OVGP1: variants seen among roughly 807,000 people sequenced by gnomAD.
OVGP1 encodes the protein oviduct-specific glycoprotein.
A neutral mutation model predicts 48.2 loss-of-function variants in OVGP1; 26 were observed. The ratio of observed to expected loss-of-function variants is 0.54; its 90% CI spans 0.40 to 0.75. The LOEUF is 0.75. OVGP1 is among the 30% of genes least tolerant of loss of function. The pLI, the probability that OVGP1 is intolerant of heterozygous loss-of-function variation, is 0.00. For missense variants in OVGP1, 791 were observed against 820.6 expected (o/e 0.96, Z 0.44); for synonymous variants, 294 against 305.7 (o/e 0.96, Z 0.40).
intron 3 of OVGP1, 73 bp from the exon 4 acceptor site, chr1:111,425,512 T>C: frequency 1.9e-6 from 3 of 1,602,368 alleles, no homozygotes; most frequent in Non-Finnish European, 2.6e-6. Flanking sequence ...CATTCTTTTA[T>C]TTTGCTCATT....
Position 111,414,855 on chromosome 1 carries a change from G to C in OVGP1, c.1646C>G (p.Pro549Arg), listed in dbSNP as rs906971484. The change falls in exon 11 of 11, where the codon CCT (proline) becomes CGT (arginine). Residue 549 changes from proline (P) to arginine (R), a missense_variant. Pro to Arg is a moderately radical substitution (Grantham distance 103). Coordinates refer to ENST00000369732, the MANE Select transcript of OVGP1 (RefSeq NM_002557.4). The part of the protein sequence containing the change: ...SVSPGGTTMT[P>R]VHFQTETLRQ... ...AAGGGTCTCAGTCTGAAAATGGACA[G>C]GGGTCATAGTCGTTCCTCCAGGGCT... is the stretch of plus-strand genomic sequence containing the variant. 6.3e-7 allele frequency: 1 copy of C among 1,595,894 alleles called. No individual in the cohort carries two copies. Among genetic ancestry groups the C allele is most frequent in the Non-Finnish European group, 8.6e-7 (1 of 1,167,342 alleles).
Position 111,421,689 on chromosome 1 carries a change from G to C in OVGP1, c.609-16C>G. The C allele has an allele frequency of 6.7e-7, 1 of 1,490,542 alleles. No individual in the cohort carries two copies. The highest frequency in any genetic ancestry group is 1.4e-5 in the African/African-American group (1 of 72,708). 92.3% of individuals were successfully genotyped at this position (1,490,542 alleles called of 1,614,324 possible). ...ATCCAGGAGTCTGTAAGGGGCAGGA[G>C]GAAGAGATATAAAGACTGGGCTAGC... On this transcript the variant is annotated splice_polypyrimidine_tract_variant and intron_variant, in intron 6 of 10. Transcript: ENST00000369732.
intron 3 of OVGP1, 42 bp from the exon 4 acceptor site, chr1:111,425,481 TCCGGTGGG>T (rs765229733): frequency 6.2e-7 from 1 of 1,613,430 alleles, no homozygotes; most frequent in Non-Finnish European, 8.5e-7. Flanking sequence ...GGTTCTTCAC[TCCGGTGGG>T]CAGCTGCTGC....
At position 111,415,035 on chromosome 1, in the gene OVGP1, G is replaced by A. The variant is rs1422866558; in HGVS notation, c.1466C>T (p.Pro489Leu). 1.2e-6 allele frequency: 2 copies of A among 1,613,574 alleles called. No homozygotes were observed. Among genetic ancestry groups the A allele is most frequent in the African/African-American group, 1.3e-5 (1 of 74,914 alleles). The change falls in exon 11 of 11, where the codon CCT (proline) becomes CTT (leucine). Residue 489 changes from proline to leucine, a missense_variant. By Grantham distance (98) the Pro-to-Leu change is moderately conservative (BLOSUM62 -3). Coordinates refer to ENST00000369732, the MANE Select transcript of OVGP1 (RefSeq NM_002557.4). ...MTSVGHQSMT[P>L]GEKALTPVGH... Reference sequence around the variant, plus strand: ...CACAGGGGTCAGGGCCTTCTCTCCAGGGGTCATGGACTGATGACCCACAGA... The same window carrying A: ...CACAGGGGTCAGGGCCTTCTCTCCAAGGGTCATGGACTGATGACCCACAGA...
rs775539416 is a variant in OVGP1, at chr1:111,414,683, C to T, written c.1818G>A (p.Arg606=). 1.9e-6 allele frequency: 3 copies of T among 1,613,982 alleles called. No individual in the cohort carries two copies. ...CCATCTGAAGACCCAAGTTACCCAT[C>T]CTGGGGTGAGTGCCCACCTCAGAAG... ...NLTSEVGTHP[R]MGNLGLQMEA... Residue 606 remains arginine, a synonymous_variant, in exon 11 of 11, where the codon AGG becomes AGA. Transcript: ENST00000369732.
intron 4 of OVGP1, among the ~76,000 whole-genome samples, chr1:111,424,174 G>T (rs1652343382): frequency 6.6e-6 from 1 of 152,234 alleles, no homozygotes; most frequent in Non-Finnish European, 1.5e-5. Flanking sequence ...TCAAGGGCCA[G>T]CATGTCCAGA....
rs148220778 is a variant in OVGP1, at chr1:111,422,646, G to A, written c.608+281C>T. On this transcript the variant is annotated intron_variant, in intron 6 of 10. Coordinates refer to ENST00000369732, the MANE Select transcript of OVGP1 (RefSeq NM_002557.4). ...GACAGGCCCCTGGGAATCTCTCCTC[G>A]TGAGACCCAGCAATAGGCTGTGCAG... Among the ~76,000 whole-genome samples the A allele has an allele frequency of 9.2e-4, 140 of 152,262 alleles. 1 individual carries two copies. The highest frequency in any genetic ancestry group is 2.7e-3 in the African/African-American group (113 of 41,550).
At chr1:111,426,981 G>C in intron 2 of OVGP1, 81 bp downstream of exon 2, 1 of 1,609,896 alleles carries the variant, frequency 6.2e-7, no homozygotes, top group South Asian at 1.1e-5. Flanking sequence ...GGCAAGGTGG[G>C]CTGCAGGGGA....
At chr1:111,427,552 C>A in intron 1 of OVGP1, 145 bp downstream of exon 1, 1 of 1,114,308 alleles carries the variant, frequency 9.0e-7, no homozygotes, top group Non-Finnish European at 1.3e-6. Flanking sequence ...TGACCTCTGA[C>A]CATTAACTAT....
intron 8 of OVGP1, 49 bp downstream of exon 8, chr1:111,421,227 G>A (rs911772958): frequency 2.0e-6 from 3 of 1,518,642 alleles, no homozygotes; most frequent in East Asian, 2.3e-5. Flanking sequence ...TGCTCCAGCT[G>A]GGGGTGGGAG....
chr1:111,426,501 T>C lies in OVGP1; in HGVS notation c.196A>G (p.Ile66Val), dbSNP rs780880615. 11 of 1,614,146 alleles carry C rather than the reference T, an allele frequency of 6.8e-6. No individual in the cohort carries two copies. Among genetic ancestry groups the C allele is most frequent in the Non-Finnish European group, 9.3e-6 (11 of 1,180,010 alleles). ...TCATCCTGGAGATCCTTAGCAACAA[T>C]CTGATTGTTGTTCATTGAGGCAAAG... Reference protein sequence around the residue: ...FAFASMNNNQIVAKDLQDEKI... With the variant: ...FAFASMNNNQVVAKDLQDEKI... The change falls in exon 3 of 11, where the codon ATT becomes GTT. Residue 66 changes from isoleucine to valine, a missense_variant. Ile to Val is a conservative substitution (Grantham distance 29). Coordinates refer to ENST00000369732, the MANE Select transcript of OVGP1 (RefSeq NM_002557.4).
chr1:111,420,387 C>T (rs1652237425), intron 8 of OVGP1, among the ~76,000 whole-genome samples: 1 of 152,220 alleles, frequency 6.6e-6, no homozygotes, highest in African/African-American at 2.4e-5. Flanking sequence ...ATTGTTTCAA[C>T]TATGCCAGCA....
At position 111,416,376 on chromosome 1, in the gene OVGP1, C is replaced by T. The variant is rs201516464; in HGVS notation, c.1103G>A (p.Gly368Asp). The change falls in exon 10 of 11, where the codon GGC becomes GAC. Residue 368 changes from glycine to aspartate, a missense_variant. Transcript: ENST00000369732. ...DMDDVRGTFC[G>D]TGPFPLVYVL... ...GTAGACAAGGGGGAAAGGGCCAGTG[C>T]CACAGAACGTGCCCCTGACGTCATC... is the stretch of plus-strand genomic sequence containing the variant. The T allele has an allele frequency of 6.2e-6, 10 of 1,608,390 alleles. No individual in the cohort carries two copies. Among genetic ancestry groups the T allele is most frequent in the Non-Finnish European group, 7.6e-6 (9 of 1,177,374 alleles).
chr1:111,419,523 A>G (rs541205225), intron 9 of OVGP1, 87 bp downstream of exon 9: 24 of 801,528 alleles, frequency 3.0e-5, no homozygotes, highest in South Asian at 2.9e-4. Context: ...TCTCCACCCA[A>G]TACACATACA....
intron 10 of OVGP1, 23 bp downstream of exon 10, chr1:111,416,300 G>C (rs1652133567): frequency 6.5e-7 from 1 of 1,542,512 alleles, no homozygotes; most frequent in South Asian, 1.3e-5. Flanking sequence ...TCCAACCCCA[G>C]CTTCTAGGTC....
chr1:111,417,962 T>C (rs1652175309), intron 9 of OVGP1, among the ~76,000 whole-genome samples: 1 of 152,144 alleles, frequency 6.6e-6, no homozygotes, highest in Admixed American at 6.5e-5. Flanking sequence ...AAGGGGACTT[T>C]CACAATCATT....
At chr1:111,422,797 CA>C in intron 6 of OVGP1, 129 bp downstream of exon 6, 1 of 1,056,130 alleles carries the variant, frequency 9.5e-7, no homozygotes, top group Non-Finnish European at 1.4e-6. Flanking sequence ...AGTCCAGCCC[CA>C]AACTTGCACT....
At chr1:111,423,786 G>A in intron 4 of OVGP1, 78 bp from the exon 5 acceptor site, 2 of 1,408,532 alleles carry the variant, frequency 1.4e-6, no homozygotes, top group Non-Finnish European at 2.0e-6. Context: ...TGCAAGCTTG[G>A]TTCCCTGTGG....
At position 111,416,508 on chromosome 1, in the gene OVGP1, TG is replaced by T; in HGVS notation, c.1021-51del. The T allele has an allele frequency of 2.0e-6, 3 of 1,516,702 alleles. No individual in the cohort carries two copies. The Admixed American group carries it at 5.7e-5, about 29-fold the overall frequency. The allele number at this position is 1,516,702 out of a possible 1,614,324, so 94.0% of individuals were successfully genotyped here. On this transcript the variant is annotated intron_variant, in intron 9 of 10. Transcript: ENST00000369732. ...CTGCTGTACTTGTCAGTCTCTAGAC[TG>T]GGTACAATGGCAAAAAACTGAAGAT... is the stretch of plus-strand genomic sequence containing the variant.
Sources: gnomAD v4.1 joint callset for allele counts (sites outside exome capture counted in the v4.1 genomes callset) on GRCh38, gnomAD v4.1.1 for gene constraint, MANE v1.5 for transcripts, NCBI Gene and HGNC (gene_info 2026-07-23, HGNC 2026-07-21) for gene names.